Variants in ZNF578 observed in about 807,000 individuals in gnomAD.
ZNF578 encodes Putative chemokine-related protein B42.
Under a neutral mutation model 8.3 loss-of-function variants are expected in ZNF578, and 8 were observed. The ratio of observed to expected loss-of-function variants is 0.96; its 90% CI spans 0.56 to 1.74. The LOEUF is 1.74. ZNF578 is among the 40% of genes most tolerant of loss of function. The probability of loss-of-function intolerance (pLI) is 0.00; values close to 1 mark genes in which losing one functional copy is unlikely to be tolerated. For synonymous variants in ZNF578, 206 were observed against 232.2 expected, an observed-to-expected ratio of 0.89 and a Z score of 1.03; for missense variants, 726 against 707.5, an observed-to-expected ratio of 1.03 and a Z score of -0.30.
intron 2 of ZNF578, among the ~76,000 whole-genome samples, chr19:52,471,841 T>C (rs1022434868): frequency 2.0e-5 from 3 of 152,214 alleles, no homozygotes; most frequent in African/African-American, 7.2e-5. Flanking sequence ...AAGGTGAATA[T>C]ATGAAATTTC....
intron 2 of ZNF578, among the ~76,000 whole-genome samples, chr19:52,468,391 C>A (rs919761370): frequency 6.6e-6 from 1 of 152,142 alleles, no homozygotes; most frequent in Non-Finnish European, 1.5e-5. Flanking sequence ...TTTCAACAGT[C>A]ATATTGTGCA....
At chr19:52,501,496 G>T (rs1229084173) in intron 3 of ZNF578, among the ~76,000 whole-genome samples, 1 of 152,182 alleles carries the variant, frequency 6.6e-6, no homozygotes, top group African/African-American at 2.4e-5. Flanking sequence ...CTCAGCCTGT[G>T]ATCCACAGAG....
intron 4 of ZNF578, 127 bp from the exon 5 acceptor site, chr19:52,504,528 C>G (rs1451218578): frequency 6.5e-7 from 1 of 1,528,234 alleles, no homozygotes; most frequent in Non-Finnish European, 8.7e-7. Flanking sequence ...TCAAAAATAC[C>G]TTAACGTGGT....
chr19:52,511,737 G>T lies in ZNF578; in HGVS notation c.1356G>T (p.Glu452Asp), dbSNP rs779530711. 15 of 1,613,298 alleles carry T rather than the reference G, an allele frequency of 9.3e-6. No individual in the cohort carries two copies. In the Admixed American group the frequency reaches 2.2e-4, roughly 23 times the overall value. ...LARHHRLHTG[E>D]KSYKCEECDR... ...GTCATCATAGACTTCATACTGGAGA[G>T]AAATCTTACAAATGTGAAGAATGTG... is the stretch of plus-strand genomic sequence containing the variant. The change falls in exon 6 of 6, where the codon GAG (glutamate) becomes GAT (aspartate). Residue 452 changes from glutamate (E) to aspartate (D), a missense_variant. Transcript: ENST00000421239.
intron 2 of ZNF578, among the ~76,000 whole-genome samples, chr19:52,459,855 A>C (rs1175199921): frequency 7.5e-6 from 1 of 134,196 alleles, no homozygotes; most frequent in Non-Finnish European, 1.5e-5. Flanking sequence ...GCTCACTGCA[A>C]CCTCTGCCTC....
intron 3 of ZNF578, among the ~76,000 whole-genome samples, chr19:52,499,650 A>G (rs1326263018): frequency 6.6e-6 from 1 of 151,794 alleles, no homozygotes; most frequent in Non-Finnish European, 1.5e-5. Flanking sequence ...ACGTACATGT[A>G]TATGTGAAAA....
chr19:52,496,701 C>A (rs1263480180), intron 3 of ZNF578, among the ~76,000 whole-genome samples: 1 of 151,360 alleles, frequency 6.6e-6, no homozygotes, highest in Non-Finnish European at 1.5e-5. Flanking sequence ...TGCAATGGCG[C>A]AATCTCGGTC....
chr19:52,480,748 T>G lies in ZNF578; in HGVS notation c.-121-10576T>G, dbSNP rs561511886. Among the ~76,000 whole-genome samples the G allele has an allele frequency of 2.0e-5, 3 of 151,726 alleles. No homozygotes were observed. In the South Asian group the frequency reaches 6.3e-4, roughly 32 times the overall value. ...CCGTCTCTACCAAAAATAACAAAAATTAGCCGGGCATGGTGGCACTTGCCT... is the reference window on the plus strand; with the variant it reads ...CCGTCTCTACCAAAAATAACAAAAAGTAGCCGGGCATGGTGGCACTTGCCT... On this transcript the variant is annotated intron_variant, in intron 2 of 5. Transcript: ENST00000421239.
chr19:52,465,101 C>A (rs1044718585), intron 2 of ZNF578, among the ~76,000 whole-genome samples: 3 of 152,168 alleles, frequency 2.0e-5, no homozygotes, highest in African/African-American at 7.2e-5. Context: ...TCTAGTAGTT[C>A]TTTAACTATT....
intron 2 of ZNF578, among the ~76,000 whole-genome samples, chr19:52,464,520 G>T (rs1599882699): frequency 6.6e-6 from 1 of 152,068 alleles, no homozygotes; most frequent in East Asian, 1.9e-4. Flanking sequence ...GCGGCTTAAT[G>T]GCTCTATCCT....
At chr19:52,469,300 A>G (rs548880054) in intron 2 of ZNF578, among the ~76,000 whole-genome samples, 8 of 151,812 alleles carry the variant, frequency 5.3e-5, no homozygotes, top group South Asian at 2.1e-4. Context: ...AGCTGGGACT[A>G]CAGGTGTGCA....
At chr19:52,498,890 C>T (rs1038121124) in intron 3 of ZNF578, among the ~76,000 whole-genome samples, 43 of 152,078 alleles carry the variant, frequency 2.8e-4, no homozygotes, top group African/African-American at 5.8e-4. Context: ...ACTATGTTGC[C>T]CGTGTTGGTC....
intron 2 of ZNF578, among the ~76,000 whole-genome samples, chr19:52,478,796 C>T (rs2059315963): frequency 6.6e-6 from 1 of 152,038 alleles, no homozygotes; most frequent in African/African-American, 2.4e-5. Flanking sequence ...TCACTGCAAC[C>T]TCTGCCTCCC....
chr19:52,485,112 T>C (rs1413693810), intron 2 of ZNF578, among the ~76,000 whole-genome samples: 1 of 151,940 alleles, frequency 6.6e-6, no homozygotes, highest in Non-Finnish European at 1.5e-5. Context: ...TTTTCCCTTT[T>C]GTGTAGTGAT....
At chr19:52,504,896 T>TTTGATTG (rs1166338131) in intron 5 of ZNF578, 115 bp downstream of exon 5, 18 of 1,553,498 alleles carry the variant, frequency 1.2e-5, no homozygotes, top group Non-Finnish European at 1.6e-5. Flanking sequence ...TGTTTGATTG[T>TTTGATTG]TTGTTTGGTT....
intron 2 of ZNF578, among the ~76,000 whole-genome samples, chr19:52,462,159 C>T (rs1666172063): frequency 6.6e-6 from 1 of 152,180 alleles, no homozygotes. Context: ...ATTGTTGACA[C>T]CTCTCTTTTC....
intron 2 of ZNF578, chr19:52,458,898 A>C (rs945129014): frequency 2.0e-5 from 3 of 152,204 alleles, no homozygotes; most frequent in African/African-American, 7.2e-5. Context: ...TTGTTGTAAA[A>C]TTACAGATGT....
At position 52,502,036 on chromosome 19, in the gene ZNF578, C is replaced by T. The variant is rs1226600668; in HGVS notation, c.63+128C>T. 23 of 1,425,796 alleles carry T rather than the reference C, an allele frequency of 1.6e-5. No individual in the cohort carries two copies. The Admixed American group carries it at 2.8e-4, about 17-fold the overall frequency. The allele number at this position is 1,425,796 out of a possible 1,614,324, so 88.3% of individuals were successfully genotyped here. A position where few individuals can be genotyped will look rare whatever the true frequency, so the allele number is the denominator to read the frequency against. On this transcript the variant is annotated intron_variant, in intron 4 of 5. Transcript: ENST00000421239. ...TGAGTCTGAAGCATTTTGCCTGACA[C>T]GTTTGCTTGCACTCACCCATGCCTG...
chr19:52,507,649 T>A (rs2087343076), intron 5 of ZNF578, among the ~76,000 whole-genome samples: 1 of 152,214 alleles, frequency 6.6e-6, no homozygotes, highest in African/African-American at 2.4e-5. Context: ...CTAGATTGGC[T>A]CCTGGTGAGA....
Sources: gnomAD v4.1 joint callset for allele counts (sites outside exome capture counted in the v4.1 genomes callset) on GRCh38, gnomAD v4.1.1 for gene constraint, MANE v1.5 for transcripts, NCBI Gene and HGNC (gene_info 2026-07-23, HGNC 2026-07-21) for gene names.